DMPK: variants seen among roughly 807,000 people sequenced by gnomAD.
The protein encoded by DMPK is myotonin-protein kinase.
Under a neutral mutation model 70.3 loss-of-function variants are expected in DMPK, and 32 were observed. The observed-to-expected ratio is 0.46, with a 90% CI of 0.34 to 0.61. The LOEUF (loss-of-function observed/expected upper bound fraction) is 0.61, where lower values mean the gene tolerates loss of function less well. DMPK is among the 20% of genes least tolerant of loss of function. The probability of loss-of-function intolerance (pLI) is 0.01; values close to 1 mark genes in which losing one functional copy is unlikely to be tolerated. For missense variants in DMPK, 899 were observed against 886.0 expected, an observed-to-expected ratio of 1.01 and a Z score of -0.19; for synonymous variants, 469 against 390.9, an observed-to-expected ratio of 1.20 and a Z score of -2.36.
Position 45,770,236 on chromosome 19 carries a change from A to ATTCCC in DMPK, c.*251_*252insGGGAA. ...CAGCAGCAGCAGCAGCAGCAGCAGC[A>ATTCCC]GCAGCAGCAGCAGCAGCAGCAGCAG... On this transcript the variant is annotated 3_prime_UTR_variant, in exon 15 of 15. Coordinates refer to ENST00000291270, the MANE Select transcript of DMPK (RefSeq NM_004409.5). 3 of 455,304 alleles carry ATTCCC rather than the reference A, an allele frequency of 6.6e-6. No homozygotes were observed. Among genetic ancestry groups the ATTCCC allele is most frequent in the Admixed American group, 3.1e-5 (1 of 31,834 alleles). The allele number at this position is 455,304 out of a possible 1,614,324, so 28.2% of individuals were successfully genotyped here.
chr19:45,770,203 CCCAGCAGCAGCAGCAGCAGCAGCAG>C lies in DMPK; in HGVS notation c.*260_*284del. On this transcript the variant is annotated 3_prime_UTR_variant, in exon 15 of 15. Transcript: ENST00000291270. ...AAAGAAAGAAATGGTCTGTGATCCC[CCCAGCAGCAGCAGCAGCAGCAGCAG>C]CAGCAGCAGCAGCAGCAGCAGCAGC... The C allele has an allele frequency of 1.8e-6, 1 of 554,344 alleles. No homozygotes were observed. Among genetic ancestry groups the C allele is most frequent in the Non-Finnish European group, 3.1e-6 (1 of 322,282 alleles). 34.3% of individuals were successfully genotyped at this position (554,344 alleles called of 1,614,324 possible).
At chr19:45,770,843 A>T (rs563034244) in intron 14 of DMPK, 128 bp downstream of exon 14, 4 of 980,100 alleles carry the variant, frequency 4.1e-6, no homozygotes, top group African/African-American at 3.4e-5. Context: ...GCCTGTGTTG[A>T]TTGGCTGCCC....
At position 45,769,920 on chromosome 19, in the gene DMPK, G is replaced by C; in HGVS notation, c.*568C>G. On this transcript the variant is annotated 3_prime_UTR_variant, in exon 15 of 15. Transcript: ENST00000291270. ...CGCCGAAGCGGGCGGAGCCGGCTGG[G>C]GCTCCGAGAGCAGCGCAAGTGAGGA... The C allele has an allele frequency of 7.0e-6, 2 of 286,622 alleles. No individual in the cohort carries two copies. Among genetic ancestry groups the C allele is most frequent in the South Asian group, 3.7e-5 (1 of 26,700 alleles). 17.8% of individuals were successfully genotyped at this position (286,622 alleles called of 1,614,324 possible). A position where few individuals can be genotyped will look rare whatever the true frequency, so the allele number is the denominator to read the frequency against.
intron 5 of DMPK, 134 bp downstream of exon 5, chr19:45,778,359 C>A (rs1041415683): frequency 7.3e-7 from 1 of 1,371,880 alleles, no homozygotes; most frequent in South Asian, 1.3e-5. Flanking sequence ...AGTTCTGACC[C>A]CTACTCCCAG....
At position 45,777,327 on chromosome 19, in the gene DMPK, C is replaced by G; in HGVS notation, c.1146G>C (p.Gly382=). 1 of 1,565,170 alleles carries G rather than the reference C, an allele frequency of 6.4e-7. No individual in the cohort carries two copies. The highest frequency in any genetic ancestry group is 8.7e-7 in the Non-Finnish European group (1 of 1,153,110). Reference sequence around the variant, plus strand: ...CCGAGCAGGGGCCACAGGTACCTACCCCGCCCCCGCTCACCATGGCAGTGA... The same window carrying G: ...CCGAGCAGGGGCCACAGGTACCTACGCCGCCCCCGCTCACCATGGCAGTGA... ...DGLTAMVSGG[G]ETLSDIREGA... Residue 382 remains glycine (G), a splice_region_variant and synonymous_variant, in exon 8 of 15, where the codon GGG becomes GGC. Coordinates refer to ENST00000291270, the MANE Select transcript of DMPK (RefSeq NM_004409.5). The surrounding 1 kb of genome is among the most constrained non-coding windows in gnomAD (Gnocchi z 6.7).
intron 2 of DMPK, 76 bp from the exon 3 acceptor site, chr19:45,779,598 T>C: frequency 6.3e-7 from 1 of 1,590,482 alleles, no homozygotes; most frequent in Non-Finnish European, 8.6e-7. Context: ...CTCCACCCGC[T>C]TCTGCACCCA....
At chr19:45,779,172 C>A in intron 4 of DMPK, 92 bp downstream of exon 4, 3 of 1,351,384 alleles carry the variant, frequency 2.2e-6, no homozygotes, top group Non-Finnish European at 2.1e-6. Context: ...CGGGCAGCAC[C>A]CCCAATCCTA....
intron 13 of DMPK, 118 bp from the exon 14 acceptor site, chr19:45,771,178 A>G: frequency 8.5e-7 from 1 of 1,170,316 alleles, no homozygotes; most frequent in Non-Finnish European, 1.2e-6. Context: ...CCCGGAGGGA[A>G]TCTGGTGAGG....
rs772915546 is a variant in DMPK, at chr19:45,779,399, G to A, written c.336+40C>T. 8 of 1,613,614 alleles carry A rather than the reference G, an allele frequency of 5.0e-6. No individual in the cohort carries two copies. The African/African-American group carries it at 5.3e-5, about 11-fold the overall frequency. The stretch of plus-strand genomic sequence containing the variant: ...GAGGAGCTGCAGCCGGAGACGGGGC[G>A]CGGATCCTCAAAGCCCCCCACGTCC... On this transcript the variant is annotated intron_variant, in intron 3 of 14. Coordinates refer to ENST00000291270, the MANE Select transcript of DMPK (RefSeq NM_004409.5).
chr19:45,772,156 G>C (rs752820666), intron 10 of DMPK: 1 of 554,132 alleles, frequency 1.8e-6, no homozygotes, highest in Non-Finnish European at 3.1e-6. Flanking sequence ...CAGAGGGCTG[G>C]TGCTCAAACA....
intron 9 of DMPK, among the ~76,000 whole-genome samples, chr19:45,772,995 G>A (rs1969561028): frequency 1.3e-5 from 2 of 152,218 alleles, no homozygotes; most frequent in Admixed American, 1.3e-4. Context: ...ACCTTCTGCA[G>A]GGACTTGGGG....
intron 9 of DMPK, among the ~76,000 whole-genome samples, chr19:45,774,179 T>C (rs1226784174): frequency 6.6e-6 from 1 of 151,938 alleles, no homozygotes; most frequent in Non-Finnish European, 1.5e-5. Context: ...CTCGAACTCC[T>C]GACCTCAGGT....
At position 45,770,559 on chromosome 19, in the gene DMPK, TG is replaced by T; in HGVS notation, c.1818del (p.Cys606Ter). ...VVLSRAAALG[C>X]IGLVAHAGQL... ...TGGCCGGCGTGGGCCACCAACCCAA[TG>T]CAGCCCAGGGCGGCGGCACGAGACA... On this transcript the variant is annotated frameshift_variant, in exon 15 of 15. Transcript: ENST00000291270. LOFTEE classifies it high-confidence loss of function. The T allele has an allele frequency of 6.4e-7, 1 of 1,551,122 alleles. No homozygotes were observed. Among genetic ancestry groups the T allele is most frequent in the Non-Finnish European group, 8.7e-7 (1 of 1,147,100 alleles).
intron 13 of DMPK, 61 bp from the exon 14 acceptor site, chr19:45,771,121 G>T (rs902727249): frequency 6.7e-6 from 9 of 1,342,728 alleles, no homozygotes; most frequent in African/African-American, 4.4e-5. Context: ...GCGGTGGGGC[G>T]AGAGACAGCG....
At position 45,777,972 on chromosome 19, in the gene DMPK, C is replaced by T; in HGVS notation, c.676-99G>A. The T allele has an allele frequency of 7.7e-7, 1 of 1,302,722 alleles. No individual in the cohort carries two copies. The highest frequency in any genetic ancestry group is 2.4e-5 in the East Asian group (1 of 41,182). The allele number at this position is 1,302,722 out of a possible 1,614,324, so 80.7% of individuals were successfully genotyped here. On this transcript the variant is annotated intron_variant, in intron 6 of 14. Coordinates refer to ENST00000291270, the MANE Select transcript of DMPK (RefSeq NM_004409.5). The surrounding 1 kb of genome is among the most constrained non-coding windows in gnomAD (Gnocchi z 6.7). The stretch of plus-strand genomic sequence containing the variant: ...CACTCCCCAAATGCTTAGCCCCTCC[C>T]TCTGCCTGGTCTAATACTCCGCCAC...
At chr19:45,775,122 C>T (rs1355329080) in intron 8 of DMPK, 88 bp from the exon 9 acceptor site, 7 of 1,028,970 alleles carry the variant, frequency 6.8e-6, no homozygotes, top group Admixed American at 2.0e-5. Context: ...CCCCCCAAAC[C>T]AGCCCCAACT....
chr19:45,770,857 G>T, intron 14 of DMPK, 114 bp downstream of exon 14: 1 of 1,013,052 alleles, frequency 9.9e-7, no homozygotes, highest in Non-Finnish European at 1.4e-6. Flanking sequence ...GCTGCCCGAA[G>T]ATCCGCCCTC....
Position 45,771,828 on chromosome 19 carries a change from C to T in DMPK, c.1445G>A (p.Arg482Gln), listed in dbSNP as rs1362987476. 5.1e-6 allele frequency: 8 copies of T among 1,572,146 alleles called. No individual in the cohort carries two copies. The highest frequency in any genetic ancestry group is 4.1e-5 in the African/African-American group (3 of 73,826). ...CTCCATCTCCCGGCTCAGGCTCTGC[C>T]GGGTGAGCACCTCCTCCTCCAGGGC... ...QEALEEEVLT[R>Q]QSLSREMEAI... The change falls in exon 11 of 15, where the codon CGG becomes CAG. Residue 482 changes from arginine to glutamine, a missense_variant. By Grantham distance (43) the Arg-to-Gln change is conservative. Coordinates refer to ENST00000291270, the MANE Select transcript of DMPK (RefSeq NM_004409.5).
intron 1 of DMPK, 51 bp downstream of exon 1, chr19:45,782,142 T>G: frequency 1.5e-6 from 1 of 657,748 alleles, no homozygotes; most frequent in Non-Finnish European, 2.2e-6. Context: ...CAGACCTGTC[T>G]CCTGCCCCAC....
Sources: allele counts gnomAD v4.1 joint callset (sites outside exome capture counted in the v4.1 genomes callset), GRCh38; gene constraint gnomAD v4.1.1; non-coding constraint Gnocchi (gnomAD v3.1); transcripts MANE v1.5; gene names NCBI Gene and HGNC (gene_info 2026-07-23, HGNC 2026-07-21).